The following FRMD4B variants were observed in gnomAD, a reference collection of about 807,000 sequenced individuals.
FRMD4B encodes the protein FERM domain containing 4B.
Under a neutral mutation model 141.5 loss-of-function variants are expected in FRMD4B, and 74 were observed. The observed-to-expected ratio is 0.52, with a 90% CI of 0.43 to 0.63. The LOEUF is 0.63. Ranked by LOEUF, FRMD4B falls within the 30% of genes least tolerant of loss-of-function variation. The probability of loss-of-function intolerance (pLI) is 0.00; values close to 1 mark genes in which losing one functional copy is unlikely to be tolerated. For synonymous variants in FRMD4B, 506 were observed against 467.9 expected (o/e 1.08, Z -1.05); for missense variants, 1,366 against 1,253.4 (o/e 1.09, Z -1.36).
chr3:69,199,757 G>A lies in FRMD4B; in HGVS notation c.877-983C>T, dbSNP rs143194186. ...TCTATTGCGGCACTCAGTGCCGTCA[G>A]TTTGATTGGGAGGAACAAACTTTAC... is the stretch of plus-strand genomic sequence containing the variant. On this transcript the variant is annotated intron_variant, in intron 11 of 22. Transcript: ENST00000398540. Among the ~76,000 whole-genome samples, 191 of 152,318 alleles carry A rather than the reference G, an allele frequency of 1.3e-3. 1 individual carries two copies. Among genetic ancestry groups the A allele is most frequent in the African/African-American group, 4.2e-3 (176 of 41,582 alleles).
intron 17 of FRMD4B, 37 bp from the exon 18 acceptor site, chr3:69,189,989 C>T (rs747565195): frequency 1.2e-5 from 15 of 1,222,608 alleles, no homozygotes; most frequent in Non-Finnish European, 1.7e-5. Context: ...TACAATTGTG[C>T]ATTTATACAA....
At chr3:69,239,736 A>T (rs1184885826) in intron 7 of FRMD4B, among the ~76,000 whole-genome samples, 2 of 152,100 alleles carry the variant, frequency 1.3e-5, no homozygotes, top group Admixed American at 1.3e-4. Flanking sequence ...TTTTTCCAAG[A>T]TGAAAAAGTT....
intron 1 of FRMD4B, among the ~76,000 whole-genome samples, chr3:69,526,911 G>T (rs191112739): frequency 6.6e-6 from 1 of 152,056 alleles, no homozygotes; most frequent in African/African-American, 2.4e-5. Flanking sequence ...TTTCCACTGC[G>T]CCTCCCATAT....
chr3:69,218,498 T>C (rs559348874), intron 9 of FRMD4B, 119 bp from the exon 10 acceptor site: 3 of 572,916 alleles, frequency 5.2e-6, no homozygotes, highest in African/African-American at 3.9e-5. Flanking sequence ...AATTAATATG[T>C]TTCACTCAAG....
At chr3:69,313,050 A>G (rs554520554) in intron 2 of FRMD4B, among the ~76,000 whole-genome samples, 2 of 152,310 alleles carry the variant, frequency 1.3e-5, no homozygotes, top group East Asian at 1.9e-4. Context: ...CACTTGCACA[A>G]TGCCATGTAG....
intron 1 of FRMD4B, among the ~76,000 whole-genome samples, chr3:69,468,159 AG>A (rs1393145485): frequency 7.0e-6 from 1 of 143,472 alleles, no homozygotes; most frequent in East Asian, 1.9e-4. Context: ...TTTTATTTAA[AG>A]TTTTTTTTTA....
At chr3:69,222,678 C>T (rs528951385) in intron 8 of FRMD4B, among the ~76,000 whole-genome samples, 1 of 151,514 alleles carries the variant, frequency 6.6e-6, no homozygotes, top group Non-Finnish European at 1.5e-5. Flanking sequence ...GGCTGAGGCA[C>T]GAGTATCACT....
intron 1 of FRMD4B, among the ~76,000 whole-genome samples, chr3:69,476,945 T>C (rs1468387583): frequency 1.3e-5 from 2 of 152,188 alleles, no homozygotes; most frequent in Non-Finnish European, 2.9e-5. Flanking sequence ...GATTCCTAGA[T>C]ATTTTATTCT....
chr3:69,261,871 C>T (rs1349660905), intron 5 of FRMD4B, among the ~76,000 whole-genome samples: 1 of 152,058 alleles, frequency 6.6e-6, no homozygotes, highest in Non-Finnish European at 1.5e-5. Flanking sequence ...TGGGGTTTCA[C>T]TATGTTGGCC....
chr3:69,451,002 G>A (rs1705488249), intron 1 of FRMD4B, among the ~76,000 whole-genome samples: 1 of 152,148 alleles, frequency 6.6e-6, no homozygotes, highest in Non-Finnish European at 1.5e-5. Context: ...TCGAGTTTTA[G>A]ATTATGTACA....
At chr3:69,245,840 T>G (rs1414854341) in intron 7 of FRMD4B, among the ~76,000 whole-genome samples, 6 of 137,310 alleles carry the variant, frequency 4.4e-5, no homozygotes, top group South Asian at 2.3e-4. Context: ...ATTTGTTTTT[T>G]TTTTTTTTTT....
chr3:69,403,601 C>T (rs1414327377), intron 2 of FRMD4B, among the ~76,000 whole-genome samples: 1 of 152,052 alleles, frequency 6.6e-6, no homozygotes, highest in African/African-American at 2.4e-5. Flanking sequence ...TTCAAACAGT[C>T]ATAGAAAACT....
chr3:69,512,400 A>T (rs1414660974), intron 1 of FRMD4B, among the ~76,000 whole-genome samples: 2 of 152,240 alleles, frequency 1.3e-5, no homozygotes, highest in Non-Finnish European at 2.9e-5. Context: ...TAAAGTATTC[A>T]TATAGTACAG....
At chr3:69,202,070 G>A (rs977623803) in intron 11 of FRMD4B, among the ~76,000 whole-genome samples, 4 of 152,140 alleles carry the variant, frequency 2.6e-5, no homozygotes, top group Admixed American at 6.6e-5. Flanking sequence ...CGGGTATGGT[G>A]CGAGAGTCTA....
chr3:69,232,918 T>G (rs185084597), intron 7 of FRMD4B, among the ~76,000 whole-genome samples: 38 of 72,148 alleles, frequency 5.3e-4, no homozygotes, highest in East Asian at 3.8e-3. Context: ...TTGTTTGTTT[T>G]TTTTTTTTTT....
chr3:69,261,590 T>G (rs1036865649), intron 5 of FRMD4B, among the ~76,000 whole-genome samples: 2 of 152,244 alleles, frequency 1.3e-5, no homozygotes, highest in Admixed American at 1.3e-4. Flanking sequence ...ACTTTATATC[T>G]TACTGCACAC....
chr3:69,249,741 G>T (rs532324043), intron 6 of FRMD4B, among the ~76,000 whole-genome samples: 1 of 152,298 alleles, frequency 6.6e-6, no homozygotes, highest in African/African-American at 2.4e-5. Flanking sequence ...TACAGCTGTT[G>T]TAACAACTGC....
chr3:69,488,816 C>A (rs1042495243), intron 1 of FRMD4B, among the ~76,000 whole-genome samples: 2 of 148,374 alleles, frequency 1.3e-5, no homozygotes, highest in African/African-American at 5.0e-5. Context: ...TCACTCGAAC[C>A]CAGAAGGCAG....
intron 1 of FRMD4B, among the ~76,000 whole-genome samples, chr3:69,354,499 G>T (rs1189272641): frequency 2.6e-5 from 4 of 152,154 alleles, no homozygotes; most frequent in South Asian, 2.1e-4. Flanking sequence ...TAGAGTCAGA[G>T]AAACCTCGTG....
Sources: allele counts gnomAD v4.1 joint callset (sites outside exome capture counted in the v4.1 genomes callset), GRCh38; gene constraint gnomAD v4.1.1; transcripts MANE v1.5; gene names NCBI Gene and HGNC (gene_info 2026-07-23, HGNC 2026-07-21).